The following CLDN10 variants were observed in gnomAD, a reference collection of about 807,000 sequenced individuals.
CLDN10 encodes claudin-10.
A neutral mutation model predicts 22.9 loss-of-function variants in CLDN10; 15 were observed. The observed-to-expected ratio is 0.65, with a 90% CI of 0.44 to 1.01. The LOEUF (loss-of-function observed/expected upper bound fraction) is 1.01. Ranked by LOEUF, CLDN10 falls within the 50% of genes least tolerant of loss-of-function variation. The pLI is 0.00. For missense variants in CLDN10, 247 were observed against 287.8 expected, an observed-to-expected ratio of 0.86 and a Z score of 1.03; for synonymous variants, 114 against 111.4, an observed-to-expected ratio of 1.02 and a Z score of -0.15.
intron 1 of CLDN10, among the ~76,000 whole-genome samples, chr13:95,539,257 A>G (rs1488723091): frequency 1.3e-5 from 2 of 152,244 alleles, no homozygotes. Flanking sequence ...ATAGCAATGT[A>G]AAAGTAGAGG....
intron 1 of CLDN10, among the ~76,000 whole-genome samples, chr13:95,472,022 G>A (rs548827955): frequency 1.6e-4 from 24 of 147,116 alleles, no homozygotes; most frequent in Middle Eastern, 3.6e-3. Context: ...GCAGTCAAGC[G>A]ATCCTCCAGC....
chr13:95,511,094 T>C (rs1001457160), intron 1 of CLDN10, among the ~76,000 whole-genome samples: 5 of 152,204 alleles, frequency 3.3e-5, no homozygotes, highest in African/African-American at 1.2e-4. Context: ...ACAGGGATCA[T>C]TTTTTAAAGC....
chr13:95,433,956 T>G, exon 1 of CLDN10: 1 of 1,614,238 alleles, frequency 6.2e-7, no homozygotes, highest in Non-Finnish European at 8.5e-7. Flanking sequence ...TAACAGCCAC[T>G]TGGGTTTACC....
intron 1 of CLDN10, among the ~76,000 whole-genome samples, chr13:95,543,036 A>C (rs1451965931): frequency 6.6e-6 from 1 of 152,166 alleles, no homozygotes; most frequent in Non-Finnish European, 1.5e-5. Context: ...GTTTGAGACC[A>C]GCCTGGCCAA....
intron 1 of CLDN10, among the ~76,000 whole-genome samples, chr13:95,440,485 G>A (rs2042314452): frequency 6.6e-6 from 1 of 152,136 alleles, no homozygotes; most frequent in South Asian, 2.1e-4. Context: ...AGACCAGCCT[G>A]GGCAACACAG....
intron 1 of CLDN10, among the ~76,000 whole-genome samples, chr13:95,478,922 G>A (rs1487328241): frequency 6.6e-6 from 1 of 152,234 alleles, no homozygotes; most frequent in Non-Finnish European, 1.5e-5. Flanking sequence ...CCCTGGCACA[G>A]GGCTGCAACT....
chr13:95,554,214 G>A (rs1313555191), intron 1 of CLDN10, among the ~76,000 whole-genome samples: 2 of 152,100 alleles, frequency 1.3e-5, no homozygotes, highest in Non-Finnish European at 2.9e-5. Context: ...CAGCATTACC[G>A]TTGAATTTCC....
At position 95,552,990 on chromosome 13, in the gene CLDN10, C is replaced by A; in HGVS notation, c.220+17C>A. On this transcript the variant is annotated intron_variant, in intron 1 of 4. Coordinates refer to ENST00000299339, the MANE Select transcript of CLDN10 (RefSeq NM_006984.5). ...CGCTGGACGGTCTGCATCCCCGCGG[C>A]CCCCGCCCTCAGCCCTCCTTCCTTG... The A allele has an allele frequency of 6.2e-7, 1 of 1,612,214 alleles. No individual in the cohort carries two copies. The highest frequency in any genetic ancestry group is 1.1e-5 in the South Asian group (1 of 90,966).
intron 1 of CLDN10, among the ~76,000 whole-genome samples, chr13:95,500,528 T>C (rs560580221): frequency 2.0e-5 from 3 of 152,282 alleles, no homozygotes; most frequent in East Asian, 1.9e-4. Flanking sequence ...GGCCAGTTTA[T>C]GCACAGCTTG....
At chr13:95,574,819 T>C (rs2043904134) in intron 3 of CLDN10, among the ~76,000 whole-genome samples, 1 of 152,142 alleles carries the variant, frequency 6.6e-6, no homozygotes, top group South Asian at 2.1e-4. Context: ...AGATATTAAA[T>C]ATTAATATAA....
At chr13:95,459,074 G>A (rs892399647) in intron 1 of CLDN10, among the ~76,000 whole-genome samples, 10 of 152,148 alleles carry the variant, frequency 6.6e-5, no homozygotes, top group Non-Finnish European at 1.2e-4. Flanking sequence ...CTCCTTTGAC[G>A]CCATGTCCTA....
chr13:95,447,061 A>G (rs2042387934), intron 1 of CLDN10, among the ~76,000 whole-genome samples: 1 of 152,116 alleles, frequency 6.6e-6, no homozygotes. Flanking sequence ...CCTTGGGTTG[A>G]TATTTCTAGT....
intron 1 of CLDN10, among the ~76,000 whole-genome samples, chr13:95,471,326 A>G (rs1566286773): frequency 6.6e-6 from 1 of 151,408 alleles, no homozygotes; most frequent in Non-Finnish European, 1.5e-5. Context: ...AGAAGTGCTC[A>G]CCAGAACTTC....
intron 1 of CLDN10, among the ~76,000 whole-genome samples, chr13:95,554,113 G>T (rs1337077721): frequency 4.6e-5 from 7 of 152,160 alleles, no homozygotes; most frequent in Non-Finnish European, 1.0e-4. Context: ...TGGAACCTCC[G>T]TATAAGGAAT....
chr13:95,544,073 T>C (rs1405271989), intron 1 of CLDN10, among the ~76,000 whole-genome samples: 1 of 152,188 alleles, frequency 6.6e-6, no homozygotes, highest in Non-Finnish European at 1.5e-5. Flanking sequence ...TAAAATTAAA[T>C]TCAACAACAT....
At chr13:95,438,515 C>T (rs2042293996) in intron 1 of CLDN10, among the ~76,000 whole-genome samples, 1 of 152,202 alleles carries the variant, frequency 6.6e-6, no homozygotes, top group Non-Finnish European at 1.5e-5. Context: ...CCTTAAATGA[C>T]CACAAGACCC....
At chr13:95,498,716 T>C (rs1381812349) in intron 1 of CLDN10, among the ~76,000 whole-genome samples, 5 of 152,214 alleles carry the variant, frequency 3.3e-5, no homozygotes, top group Non-Finnish European at 7.3e-5. Context: ...TTTATAATTT[T>C]TAAATTGTGA....
At chr13:95,442,249 T>A (rs1436789952) in intron 1 of CLDN10, among the ~76,000 whole-genome samples, 1 of 152,172 alleles carries the variant, frequency 6.6e-6, no homozygotes, top group Non-Finnish European at 1.5e-5. Flanking sequence ...CATGAATACC[T>A]CTTTCAGTGC....
intron 1 of CLDN10, among the ~76,000 whole-genome samples, chr13:95,532,813 A>AAAAAAAAAAAAAAT (rs2043358998): frequency 6.6e-6 from 1 of 151,080 alleles, no homozygotes; most frequent in African/African-American, 2.4e-5. Context: ...AAAAAAAAAA[A>AAAAAAAAAAAAAAT]AGAAGACATG....
Sources: gnomAD v4.1 joint callset for allele counts (sites outside exome capture counted in the v4.1 genomes callset) on GRCh38, gnomAD v4.1.1 for gene constraint, MANE v1.5 for transcripts, NCBI Gene and HGNC (gene_info 2026-07-23, HGNC 2026-07-21) for gene names.